Variants in SLIT2 observed in about 807,000 individuals in gnomAD.
SLIT2 encodes the protein slit guidance ligand 2.
In SLIT2, 41 loss-of-function variants were observed where a neutral mutation model predicts 185.7. That is an observed-to-expected ratio of 0.22 (90% CI 0.17 to 0.29). The LOEUF is 0.29. Ranked by LOEUF, SLIT2 falls within the 10% of genes least tolerant of loss-of-function variation. The probability of loss-of-function intolerance (pLI) is 1.00; values close to 1 mark genes in which losing one functional copy is unlikely to be tolerated. For missense variants in SLIT2, 1,571 were observed against 1,909.0 expected (o/e 0.82, Z 3.30); for synonymous variants, 693 against 680.2 (o/e 1.02, Z -0.29).
At chr4:20,322,832 G>C (rs975584421) in intron 4 of SLIT2, among the ~76,000 whole-genome samples, 9 of 152,068 alleles carry the variant, frequency 5.9e-5, no homozygotes, top group Non-Finnish European at 1.3e-4. Flanking sequence ...GAGACTAATG[G>C]TATTGAACAC....
rs950278468 is a variant in SLIT2 at position 20,252,100 on chromosome 4, G to C, written c.-1716G>C. 1.3e-5 allele frequency among the ~76,000 whole-genome samples: 2 copies of C among 152,124 alleles called. No homozygotes were observed. The highest frequency in any genetic ancestry group is 4.8e-5 in the African/African-American group (2 of 41,458). On this transcript the variant is annotated 5_prime_UTR_variant, in exon 1 of 37. Coordinates refer to ENST00000504154, the MANE Select transcript of SLIT2 (RefSeq NM_004787.4). ...GCTGCCGCGCTTTCTGGGCACGGCG[G>C]GAGTGCTGAGCAGAAAGGGGAGCGC...
At chr4:20,295,600 C>T (rs1716376854) in intron 4 of SLIT2, among the ~76,000 whole-genome samples, 1 of 152,174 alleles carries the variant, frequency 6.6e-6, no homozygotes, top group Non-Finnish European at 1.5e-5. Flanking sequence ...AATCCAGTCC[C>T]TGCGTCATGC....
intron 9 of SLIT2, among the ~76,000 whole-genome samples, chr4:20,507,321 G>T (rs1719303698): frequency 6.6e-6 from 1 of 151,766 alleles, no homozygotes; most frequent in African/African-American, 2.4e-5. Context: ...AGTGTCATTA[G>T]AAAAATTAGT....
chr4:20,573,818 TA>T (rs1725832536), intron 29 of SLIT2, among the ~76,000 whole-genome samples: 1 of 152,102 alleles, frequency 6.6e-6, no homozygotes, highest in African/African-American at 2.4e-5. Flanking sequence ...TGTTATAGGA[TA>T]CCGTGACTAC....
At chr4:20,316,527 A>G (rs963733590) in intron 4 of SLIT2, among the ~76,000 whole-genome samples, 2 of 152,048 alleles carry the variant, frequency 1.3e-5, no homozygotes, top group African/African-American at 4.8e-5. Context: ...GGTCTCACAT[A>G]AAGTCATCTA....
chr4:20,340,869 G>T lies in SLIT2; in HGVS notation c.395+71988G>T, dbSNP rs542155433. 2.6e-5 allele frequency among the ~76,000 whole-genome samples: 4 copies of T among 152,308 alleles called. No individual in the cohort carries two copies. In the South Asian group the frequency reaches 8.3e-4, roughly 32 times the overall value. On this transcript the variant is annotated intron_variant, in intron 4 of 36. Transcript: ENST00000504154. ...GCCTGCCTCGGCCTCCCAGAGTGCT[G>T]GGATTACAGGCGTGAGCCACCGTGC...
intron 5 of SLIT2, among the ~76,000 whole-genome samples, chr4:20,470,965 A>G (rs530907320): frequency 1.3e-5 from 2 of 152,288 alleles, no homozygotes; most frequent in South Asian, 2.1e-4. Context: ...TGGCATCTAC[A>G]TTATTTCAAC....
At chr4:20,313,071 A>T (rs1162896110) in intron 4 of SLIT2, among the ~76,000 whole-genome samples, 1 of 152,210 alleles carries the variant, frequency 6.6e-6, no homozygotes, top group African/African-American at 2.4e-5. Context: ...GGTAGATCGC[A>T]TTCTACTGTA....
chr4:20,334,129 A>G (rs535498289), intron 4 of SLIT2, among the ~76,000 whole-genome samples: 2 of 152,212 alleles, frequency 1.3e-5, no homozygotes, highest in African/African-American at 4.8e-5. Flanking sequence ...CTCTAGAGAG[A>G]AAATATGGTT....
At chr4:20,594,401 GTATA>G (rs930392344) in intron 30 of SLIT2, among the ~76,000 whole-genome samples, 1 of 150,398 alleles carries the variant, frequency 6.6e-6, no homozygotes, top group Non-Finnish European at 1.5e-5. Flanking sequence ...GTATGTGTGT[GTATA>G]TATATATATA....
At chr4:20,272,697 C>G (rs1003070417) in intron 4 of SLIT2, among the ~76,000 whole-genome samples, 3 of 152,076 alleles carry the variant, frequency 2.0e-5, no homozygotes, top group African/African-American at 7.2e-5. Flanking sequence ...CTAACGTAAG[C>G]TTAAGTATCC....
rs1720763152 is a variant in SLIT2, at chr4:20,520,695, GCA to G, written c.1130+1252_1130+1253del. Among the ~76,000 whole-genome samples, 3 of 151,752 alleles carry G rather than the reference GCA, an allele frequency of 2.0e-5. 1 individual carries two copies. In the South Asian group the frequency reaches 6.2e-4, roughly 32 times the overall value. Reference sequence around the variant, plus strand: ...GAAATGTATTTTACATTACACCTTAGCACACACACACCCAAACAAATGAAACA... The same window carrying G: ...GAAATGTATTTTACATTACACCTTAGCACACACACCCAAACAAATGAAACA... On this transcript the variant is annotated intron_variant, in intron 12 of 36. Coordinates refer to ENST00000504154, the MANE Select transcript of SLIT2 (RefSeq NM_004787.4).
chr4:20,615,356 A>T (rs1729570219), intron 34 of SLIT2: 1 of 152,218 alleles, frequency 6.6e-6, no homozygotes. Flanking sequence ...AATACCTGTC[A>T]GAGTGTAACC....
At chr4:20,601,773 C>T (rs1233123416) in intron 33 of SLIT2, among the ~76,000 whole-genome samples, 1 of 152,156 alleles carries the variant, frequency 6.6e-6, no homozygotes, top group East Asian at 1.9e-4. Context: ...CCATTAGTTG[C>T]TAATAAATAT....
intron 4 of SLIT2, among the ~76,000 whole-genome samples, chr4:20,371,303 C>A (rs1162454788): frequency 1.3e-5 from 2 of 150,622 alleles, no homozygotes; most frequent in East Asian, 3.9e-4. Flanking sequence ...AGACTTAACA[C>A]AAATGCACAT....
At chr4:20,347,902 A>G (rs543578158) in intron 4 of SLIT2, among the ~76,000 whole-genome samples, 2 of 152,322 alleles carry the variant, frequency 1.3e-5, no homozygotes, top group South Asian at 4.1e-4. Context: ...ATTCTCTAAC[A>G]CACTAGAAAG....
intron 12 of SLIT2, among the ~76,000 whole-genome samples, chr4:20,522,571 G>A (rs1192313116): frequency 6.6e-6 from 1 of 152,100 alleles, no homozygotes; most frequent in African/African-American, 2.4e-5. Flanking sequence ...GTAGAGAGCA[G>A]AGTACATGCT....
intron 4 of SLIT2, among the ~76,000 whole-genome samples, chr4:20,315,617 T>C (rs1394352981): frequency 6.6e-6 from 1 of 152,104 alleles, no homozygotes; most frequent in African/African-American, 2.4e-5. Context: ...TTATTTATTT[T>C]CTCATTGATA....
intron 19 of SLIT2, among the ~76,000 whole-genome samples, chr4:20,540,400 T>G (rs1456353695): frequency 6.6e-6 from 1 of 151,992 alleles, no homozygotes; most frequent in Non-Finnish European, 1.5e-5. Flanking sequence ...AGCAAAATAT[T>G]GAAGAAATAG....
Sources: allele counts gnomAD v4.1 joint callset (sites outside exome capture counted in the v4.1 genomes callset), GRCh38; gene constraint gnomAD v4.1.1; transcripts MANE v1.5; gene names NCBI Gene and HGNC (gene_info 2026-07-23, HGNC 2026-07-21).